WDFY4: variants seen among roughly 807,000 people sequenced by gnomAD.
The protein encoded by WDFY4 is WDFY family member 4.
A neutral mutation model predicts 351.9 loss-of-function variants in WDFY4; 169 were observed. That is an observed-to-expected ratio of 0.48 (90% CI 0.42 to 0.55). The LOEUF (loss-of-function observed/expected upper bound fraction) is 0.55, where lower values mean the gene tolerates loss of function less well. Among genes scored for constraint, WDFY4 ranks in the 20% least tolerant of loss-of-function variants. The probability of loss-of-function intolerance (pLI) is 0.00; values close to 1 mark genes in which losing one functional copy is unlikely to be tolerated. For missense variants in WDFY4, 3,803 were observed against 3,935.6 expected (o/e 0.97, Z 0.90); for synonymous variants, 1,622 against 1,574.6 (o/e 1.03, Z -0.71).
intron 47 of WDFY4, among the ~76,000 whole-genome samples, chr10:48,909,014 G>A (rs1019780414): frequency 7.2e-6 from 1 of 138,684 alleles, no homozygotes; most frequent in Non-Finnish European, 1.5e-5. Context: ...TGGAATCATA[G>A]AGTATGTGAC....
intron 23 of WDFY4, among the ~76,000 whole-genome samples, chr10:48,791,304 C>A (rs1258913076): frequency 6.6e-6 from 1 of 152,236 alleles, no homozygotes; most frequent in Non-Finnish European, 1.5e-5. Flanking sequence ...AGTTACTTAT[C>A]CTCTGCCTGT....
Position 48,776,943 on chromosome 10 carries a change from C to T in WDFY4, c.3057C>T (p.Ala1019=). 7 of 1,552,350 alleles carry T rather than the reference C, an allele frequency of 4.5e-6. No homozygotes were observed. Among genetic ancestry groups the T allele is most frequent in the Non-Finnish European group, 6.1e-6 (7 of 1,147,122 alleles). Residue 1019 remains alanine, a synonymous_variant, in exon 16 of 62, where the codon GCC becomes GCT. Transcript: ENST00000325239. ...TGCAGCCTCAGAGGGCAGCCCTGGC[C>T]CCATCGTTTGTGGAATTTGACATGT... The part of the protein sequence containing the change: ...RNLQPQRAAL[A]PSFVEFDMSV...
Position 48,828,849 on chromosome 10 carries a change from A to G in WDFY4, c.6293A>G (p.Asn2098Ser). 1 of 1,518,490 alleles carries G rather than the reference A, an allele frequency of 6.6e-7. No homozygotes were observed. 94.1% of individuals were successfully genotyped at this position (1,518,490 alleles called of 1,614,324 possible). A position where few individuals can be genotyped will look rare whatever the true frequency, so the allele number is the denominator to read the frequency against. ...STYHQVFLSPNEDVKEKREDL... is the reference protein window; with the variant it reads ...STYHQVFLSPSEDVKEKREDL... ...TATCATCAAGTCTTCCTTTCCCCAA[A>G]TGAAGACGTGAAAGAAAAAAGAGAA... The change falls in exon 37 of 62, where the codon AAT (asparagine) becomes AGT (serine). Residue 2098 changes from asparagine (N) to serine (S), a missense_variant. By Grantham distance (46) the Asn-to-Ser change is conservative. This residue lies in a region of WDFY4 where 3,054 missense variants were observed against 3,148.6 expected (regional missense o/e 0.97). Coordinates refer to ENST00000325239, the MANE Select transcript of WDFY4 (RefSeq NM_001394531.1).
intron 2 of WDFY4, among the ~76,000 whole-genome samples, chr10:48,712,445 A>C (rs2063792481): frequency 6.6e-6 from 1 of 152,188 alleles, no homozygotes. Context: ...CCTGGAACCC[A>C]CCTCTGGCAA....
rs41283283 is a variant in WDFY4 at position 48,890,694 on chromosome 10, G to C, written c.7283G>C (p.Gly2428Ala). The C allele has an allele frequency of 0.066, 102,753 of 1,551,588 alleles. 3,780 individuals carry two copies. Among genetic ancestry groups the C allele is most frequent in the Non-Finnish European group, 0.075 (85,538 of 1,146,966 alleles). Residue 2428 changes from glycine to alanine, a missense_variant, in exon 44 of 62, where the codon GGT (glycine) becomes GCT (alanine). This residue lies in a region of WDFY4 where 3,054 missense variants were observed against 3,148.6 expected (regional missense o/e 0.97). Coordinates refer to ENST00000325239, the MANE Select transcript of WDFY4 (RefSeq NM_001394531.1). ...ICENFTLSPT[G>A]DVYCTRHCLS... ...GAGAACTTCACACTGTCTCCCACGG[G>C]TGATGTCTACTGTACCCGTCACTGC...
In WDFY4 at chr10:48,743,156, C is replaced by T. The variant is rs535366458; in HGVS notation, c.2067C>T (p.Ser689=). Residue 689 remains serine, a synonymous_variant, in exon 12 of 62, where the codon TCC becomes TCT. Coordinates refer to ENST00000325239, the MANE Select transcript of WDFY4 (RefSeq NM_001394531.1). ...TTTTGTACACTCTCTGTGCTGTGTC[C>T]GCAGCGCTGCACTGGGACCCTGTCA... ...ELVLYTLCAV[S]AALHWDPVNG... 7.7e-6 allele frequency: 12 copies of T among 1,551,656 alleles called. No individual in the cohort carries two copies. The highest frequency in any genetic ancestry group is 7.3e-5 in the East Asian group (3 of 40,920).
chr10:48,901,775 G>A (rs1208775138), intron 46 of WDFY4, 26 bp from the exon 47 acceptor site: 1 of 1,551,080 alleles, frequency 6.4e-7, no homozygotes, highest in Non-Finnish European at 8.7e-7. Flanking sequence ...TCTGCTGATG[G>A]AATTATCCCT....
intron 12 of WDFY4, among the ~76,000 whole-genome samples, chr10:48,745,226 C>T (rs1372944101): frequency 6.6e-6 from 1 of 152,066 alleles, no homozygotes; most frequent in Non-Finnish European, 1.5e-5. Context: ...TCCATTGTTA[C>T]AGTGTTTCTA....
chr10:48,728,233 C>T (rs2064333660), intron 7 of WDFY4, among the ~76,000 whole-genome samples: 1 of 152,216 alleles, frequency 6.6e-6, no homozygotes, highest in Non-Finnish European at 1.5e-5. Flanking sequence ...GGATCAACTC[C>T]CAAGTGAACT....
intron 47 of WDFY4, among the ~76,000 whole-genome samples, chr10:48,933,317 T>C (rs1840146740): frequency 6.6e-6 from 1 of 152,114 alleles, no homozygotes; most frequent in Non-Finnish European, 1.5e-5. Flanking sequence ...TTTAATCTAG[T>C]CACTCCACTT....
intron 23 of WDFY4, among the ~76,000 whole-genome samples, chr10:48,792,683 G>T (rs2066722689): frequency 6.6e-6 from 1 of 152,124 alleles, no homozygotes; most frequent in Non-Finnish European, 1.5e-5. Flanking sequence ...TATCTAGAAG[G>T]AGAAAATAAA....
intron 1 of WDFY4, among the ~76,000 whole-genome samples, chr10:48,699,856 CA>C (rs1392578966): frequency 2.0e-5 from 3 of 152,106 alleles, no homozygotes; most frequent in Non-Finnish European, 4.4e-5. Context: ...CTTCTGCTTC[CA>C]AAGTCCCTCT....
At chr10:48,879,563 T>C (rs763378717) in intron 43 of WDFY4, among the ~76,000 whole-genome samples, 10 of 152,244 alleles carry the variant, frequency 6.6e-5, no homozygotes, top group Admixed American at 4.6e-4. Context: ...GCACATTTAT[T>C]ATCTCGAAAG....
chr10:48,940,013 C>G (rs1001602410), intron 47 of WDFY4, among the ~76,000 whole-genome samples: 2 of 152,236 alleles, frequency 1.3e-5, no homozygotes, highest in African/African-American at 4.8e-5. Context: ...TCTTTCATTC[C>G]TCTGTCCTCA....
intron 43 of WDFY4, among the ~76,000 whole-genome samples, chr10:48,881,485 C>A (rs2070246971): frequency 6.6e-6 from 1 of 152,154 alleles, no homozygotes. Context: ...AATGGGGTTC[C>A]TGCAGAGTGC....
chr10:48,869,597 C>T (rs1232780639), intron 40 of WDFY4, among the ~76,000 whole-genome samples: 2 of 151,920 alleles, frequency 1.3e-5, no homozygotes, highest in Non-Finnish European at 2.9e-5. Context: ...TACAGTCTGG[C>T]CCTGTTCAGA....
intron 39 of WDFY4, among the ~76,000 whole-genome samples, chr10:48,856,290 G>T (rs557481771): frequency 5.3e-5 from 8 of 152,158 alleles, no homozygotes; most frequent in Admixed American, 1.3e-4. Flanking sequence ...TAATACAACA[G>T]AATATGAAAA....
At position 48,806,059 on chromosome 10, in the gene WDFY4, A is replaced by G. The variant is rs2067244133; in HGVS notation, c.4702A>G (p.Ile1568Val). ...LKPSSVNERQ[I>V]CMDGALDPSL... Reference sequence around the variant, plus strand: ...GCCTTCGTCGGTGAATGAGAGGCAGATCTGCATGGACGGAGCCCTGGACCC... The same window carrying G: ...GCCTTCGTCGGTGAATGAGAGGCAGGTCTGCATGGACGGAGCCCTGGACCC... Residue 1568 changes from isoleucine (I) to valine (V), a missense_variant, in exon 27 of 62, where the codon ATC (isoleucine) becomes GTC (valine). Physicochemically the swap from Ile to Val is conservative, Grantham distance 29. Around this residue, in one of 3 missense-constraint regions of WDFY4, gnomAD observed 3,054 missense variants for 3,148.6 expected, o/e 0.97. Coordinates refer to ENST00000325239, the MANE Select transcript of WDFY4 (RefSeq NM_001394531.1). 1.9e-6 allele frequency: 3 copies of G among 1,551,720 alleles called. No individual in the cohort carries two copies. Among genetic ancestry groups the G allele is most frequent in the Non-Finnish European group, 2.6e-6 (3 of 1,146,992 alleles).
At chr10:48,765,383 C>T (rs1430193728) in intron 13 of WDFY4, among the ~76,000 whole-genome samples, 1 of 152,140 alleles carries the variant, frequency 6.6e-6, no homozygotes, top group Non-Finnish European at 1.5e-5. Flanking sequence ...TTCTTAACTT[C>T]CTTTGTGTAG....
Sources: allele counts gnomAD v4.1 joint callset (sites outside exome capture counted in the v4.1 genomes callset), GRCh38; gene constraint gnomAD v4.1.1; regional missense constraint gnomAD v4.1.1; transcripts MANE v1.5; gene names NCBI Gene and HGNC (gene_info 2026-07-23, HGNC 2026-07-21).